The following HTR4 variants were observed in gnomAD, a reference collection of about 807,000 sequenced individuals.
The protein encoded by HTR4 is 5-hydroxytryptamine (serotonin) receptor 4, G protein-coupled.
HTR4 carries 16 observed loss-of-function variants against 36.8 expected under a neutral mutation model. That is an observed-to-expected ratio of 0.43 (90% CI 0.29 to 0.66). HTR4 has a LOEUF of 0.66. HTR4 is among the 30% of genes least tolerant of loss of function. HTR4 has a pLI of 0.13. For synonymous variants in HTR4, 189 were observed against 185.1 expected (o/e 1.02, Z -0.17); for missense variants, 438 against 490.9 (o/e 0.89, Z 1.02).
chr5:148,482,190 T>G lies in HTR4; in HGVS notation c.*1013A>C, dbSNP rs201389917. 4 of 985,430 alleles carry G rather than the reference T, an allele frequency of 4.1e-6. No individual in the cohort carries two copies. The highest frequency in any genetic ancestry group is 4.8e-6 in the Non-Finnish European group (4 of 830,046). 61.0% of individuals were successfully genotyped at this position (985,430 alleles called of 1,614,324 possible). ...CTGCTGGATCCTGCCCTCCTGCACCTTGGGGGAGCTGCAGGGGAAAATGAG... is the reference window on the plus strand; with the variant it reads ...CTGCTGGATCCTGCCCTCCTGCACCGTGGGGGAGCTGCAGGGGAAAATGAG... On this transcript the variant is annotated 3_prime_UTR_variant, in exon 7 of 7. Coordinates refer to ENST00000377888, the MANE Select transcript of HTR4 (RefSeq NM_000870.7).
intron 6 of HTR4, among the ~76,000 whole-genome samples, chr5:148,485,246 A>T (rs1756094231): frequency 6.6e-6 from 1 of 152,210 alleles, no homozygotes; most frequent in Non-Finnish European, 1.5e-5. Context: ...TATTACACCC[A>T]TTTAACAGGC....
chr5:148,478,618 G>A (rs551474999), downstream of HTR4, among the ~76,000 whole-genome samples: 54 of 152,206 alleles, frequency 3.5e-4, no homozygotes, highest in Middle Eastern at 3.4e-3. Context: ...CAGCGATTGG[G>A]CTTTAGGCTC....
intron 1 of HTR4, among the ~76,000 whole-genome samples, chr5:148,647,544 T>C (rs1391659615): frequency 6.6e-6 from 1 of 152,088 alleles, no homozygotes; most frequent in African/African-American, 2.4e-5. Flanking sequence ...ACAAAGCTGC[T>C]TAGTGGTTAA....
At chr5:148,489,239 A>G (rs779235179) in intron 6 of HTR4, among the ~76,000 whole-genome samples, 17 of 152,230 alleles carry the variant, frequency 1.1e-4, no homozygotes, top group Non-Finnish European at 1.3e-4. Context: ...TAATCCTATC[A>G]CATGGGTTTT....
intron 2 of HTR4, among the ~76,000 whole-genome samples, chr5:148,555,442 A>AGG (rs1759903382): frequency 6.6e-6 from 1 of 152,248 alleles, no homozygotes; most frequent in Non-Finnish European, 1.5e-5. Context: ...TTAAACTAGG[A>AGG]GTGACGAGCA....
intron 4 of HTR4, among the ~76,000 whole-genome samples, chr5:148,545,634 G>C (rs1457763234): frequency 6.6e-6 from 1 of 152,226 alleles, no homozygotes; most frequent in South Asian, 2.1e-4. Flanking sequence ...AGGAGGGGCA[G>C]AGGAAGTTTT....
chr5:148,451,415 A>G, intron 5 of HTR4: 2 of 1,418,922 alleles, frequency 1.4e-6, no homozygotes, highest in East Asian at 4.7e-5. Flanking sequence ...ATGGGGTGAT[A>G]CTTCATAGAG....
chr5:148,496,686 C>A (rs188876544), intron 6 of HTR4, among the ~76,000 whole-genome samples: 1 of 152,288 alleles, frequency 6.6e-6, no homozygotes, highest in South Asian at 2.1e-4. Context: ...GAGCAGACTG[C>A]TCAGATGGGA....
chr5:148,571,799 A>C (rs1760689089), intron 2 of HTR4, among the ~76,000 whole-genome samples: 1 of 152,120 alleles, frequency 6.6e-6, no homozygotes. Flanking sequence ...CAGAGGTGGC[A>C]CACTAGTTCC....
At chr5:148,643,512 T>C (rs1159280578) in intron 1 of HTR4, among the ~76,000 whole-genome samples, 1 of 152,146 alleles carries the variant, frequency 6.6e-6, no homozygotes, top group East Asian at 1.9e-4. Flanking sequence ...AATCTGGGAA[T>C]TTTGTGGGGA....
intron 2 of HTR4, among the ~76,000 whole-genome samples, chr5:148,615,677 T>G (rs1270344170): frequency 6.7e-6 from 1 of 148,272 alleles, no homozygotes; most frequent in East Asian, 2.0e-4. Flanking sequence ...ACTTAAAGTA[T>G]AATAATTAAA....
At chr5:148,626,958 C>G in intron 2 of HTR4, among the ~76,000 whole-genome samples, 1 of 152,194 alleles carries the variant, frequency 6.6e-6, no homozygotes, top group Admixed American at 6.5e-5. Context: ...TCCTCATTCC[C>G]TATGCACCAC....
chr5:148,654,014 C>T lies in HTR4; in HGVS notation c.-48+48G>A, dbSNP rs1368834099. On this transcript the variant is annotated intron_variant, in intron 1 of 6. Coordinates refer to ENST00000377888, the MANE Select transcript of HTR4 (RefSeq NM_000870.7). ...CGCCCCCGCCGCGTCCCCACCGGCA[C>T]CCGTGGGCTCCTGGGGTCCCGACCC... 3.1e-6 allele frequency: 3 copies of T among 977,660 alleles called. No individual in the cohort carries two copies. In the African/African-American group the frequency reaches 5.3e-5, roughly 17 times the overall value. 60.6% of individuals were successfully genotyped at this position (977,660 alleles called of 1,614,324 possible).
At chr5:148,462,862 A>C (rs2113694943) in intron 5 of HTR4, among the ~76,000 whole-genome samples, 2 of 152,312 alleles carry the variant, frequency 1.3e-5, no homozygotes, top group East Asian at 3.9e-4. Context: ...AACTTTTGAA[A>C]ATCAATTAAG....
intron 5 of HTR4, among the ~76,000 whole-genome samples, chr5:148,453,245 C>A (rs1467208561): frequency 1.3e-5 from 2 of 152,302 alleles, no homozygotes; most frequent in African/African-American, 4.8e-5. Flanking sequence ...TCTGGACAGT[C>A]CCTCTTTCTC....
At chr5:148,460,577 C>T (rs1755249035) in intron 5 of HTR4, among the ~76,000 whole-genome samples, 1 of 152,002 alleles carries the variant, frequency 6.6e-6, no homozygotes, top group South Asian at 2.1e-4. Context: ...TAAGAACTTT[C>T]TGGGACAAAA....
At chr5:148,521,787 A>G (rs573795664) in intron 5 of HTR4, among the ~76,000 whole-genome samples, 1 of 152,090 alleles carries the variant, frequency 6.6e-6, no homozygotes, top group Non-Finnish European at 1.5e-5. Context: ...TCTTCTCATC[A>G]CAGTGCTTCA....
intron 2 of HTR4, among the ~76,000 whole-genome samples, chr5:148,595,608 G>A (rs1761736637): frequency 6.6e-6 from 1 of 151,926 alleles, no homozygotes; most frequent in African/African-American, 2.4e-5. Context: ...ATATATTTGT[G>A]TTCTTTTAAT....
chr5:148,454,592 C>T (rs899855918), intron 5 of HTR4, among the ~76,000 whole-genome samples: 4 of 152,144 alleles, frequency 2.6e-5, no homozygotes, highest in Non-Finnish European at 5.9e-5. Context: ...GATATAGAAG[C>T]CTCCCTGACT....
Sources: allele counts gnomAD v4.1 joint callset (sites outside exome capture counted in the v4.1 genomes callset), GRCh38; gene constraint gnomAD v4.1.1; transcripts MANE v1.5; gene names NCBI Gene and HGNC (gene_info 2026-07-23, HGNC 2026-07-21).